EFCAB12: variants seen among roughly 807,000 people sequenced by gnomAD.
EFCAB12 encodes EF-hand calcium binding domain 12, also known as EF-hand calcium-binding domain-containing protein 12.
A neutral mutation model predicts 53.6 loss-of-function variants in EFCAB12; 43 were observed. That is an observed-to-expected ratio of 0.80 (90% CI 0.63 to 1.03). The LOEUF is 1.03. Ranked by LOEUF, EFCAB12 falls within the 50% of genes least tolerant of loss-of-function variation. EFCAB12 has a pLI of 0.00. For synonymous variants in EFCAB12, 269 were observed against 289.2 expected (o/e 0.93, Z 0.71); for missense variants, 646 against 730.6 (o/e 0.88, Z 1.34).
At chr3:129,419,086 G>A (rs2072157157) in intron 2 of EFCAB12, among the ~76,000 whole-genome samples, 1 of 152,106 alleles carries the variant, frequency 6.6e-6, no homozygotes, top group Admixed American at 6.5e-5. Context: ...TTAATCCTAT[G>A]TGTCTGCCTC....
At chr3:129,408,130 A>C (rs2071977510) in intron 6 of EFCAB12, among the ~76,000 whole-genome samples, 1 of 152,174 alleles carries the variant, frequency 6.6e-6, no homozygotes, top group African/African-American at 2.4e-5. Context: ...GCTGAGTCTG[A>C]GTGCTCTCTG....
At chr3:129,408,337 C>A (rs1384977308) in intron 6 of EFCAB12, among the ~76,000 whole-genome samples, 1 of 152,188 alleles carries the variant, frequency 6.6e-6, no homozygotes, top group African/African-American at 2.4e-5. Flanking sequence ...GAACTCCTGT[C>A]CTTGGAGCTT....
intron 1 of EFCAB12, among the ~76,000 whole-genome samples, chr3:129,422,304 T>C (rs1358967631): frequency 1.3e-5 from 2 of 152,168 alleles, no homozygotes; most frequent in African/African-American, 4.8e-5. Context: ...TTAAAATCAG[T>C]CAATTTATTA....
In EFCAB12 at chr3:129,415,305, T is replaced by C; in HGVS notation, c.778A>G (p.Asn260Asp). The C allele has an allele frequency of 6.2e-7, 1 of 1,613,368 alleles. No individual in the cohort carries two copies. The highest frequency in any genetic ancestry group is 8.5e-7 in the Non-Finnish European group (1 of 1,179,840). The change falls in exon 4 of 9, where the codon AAT (asparagine) becomes GAT (aspartate). Residue 260 changes from asparagine to aspartate, a missense_variant. Physicochemically the swap from Asn to Asp is conservative, Grantham distance 23 (BLOSUM62 1). Transcript: ENST00000505956. The part of the protein sequence containing the change: ...HNTITMDILA[N>D]TYKQWSMAQQ... ...GCCATAGACCACTGCTTGTAGGTAT[T>C]GGCCAGGATATCCATGGTGATGGTG... is the stretch of plus-strand genomic sequence containing the variant.
chr3:129,427,889 G>A (rs143242420), intron 1 of EFCAB12, among the ~76,000 whole-genome samples: 3 of 152,178 alleles, frequency 2.0e-5, no homozygotes, highest in South Asian at 2.1e-4. Flanking sequence ...TTCCTTGCCC[G>A]AAATGCTTTT....
At position 129,401,763 on chromosome 3, in the gene EFCAB12, A is replaced by G; in HGVS notation, c.1549T>C (p.Tyr517His). 1 of 1,609,714 alleles carries G rather than the reference A, an allele frequency of 6.2e-7. No homozygotes were observed. Residue 517 changes from tyrosine (Y) to histidine (H), a missense_variant, in exon 9 of 9, where the codon TAC becomes CAC. Tyr to His is a moderately conservative substitution (Grantham distance 83). Transcript: ENST00000505956. ...CGGTCTGTGGCCACAGTGGGCAGGT[A>G]GAGCTGCAGCTTATCCAGAAGATGA... ...PGHLLDKLQL[Y>H]LPTVATDRSL...
Position 129,421,743 on chromosome 3 carries a change from AC to A in EFCAB12, c.109del (p.Val37SerfsTer70). On this transcript the variant is annotated frameshift_variant, in exon 2 of 9. Coordinates refer to ENST00000505956, the MANE Select transcript of EFCAB12 (RefSeq NM_207307.3). LOFTEE classifies it high-confidence loss of function. ...ENAPVFDPEPVIAHCFKQFQQ... is the reference protein window; with the variant it reads ...ENAPVFDPEPXIAHCFKQFQQ... ...GAACTGCTTGAAGCAGTGGGCAATG[AC>A]CGGTTCAGGATCAAAGACGGGAGCA... 6.2e-7 allele frequency: 1 copy of A among 1,613,794 alleles called. No individual in the cohort carries two copies. The highest frequency in any genetic ancestry group is 1.6e-4 in the Middle Eastern group (1 of 6,062).
chr3:129,404,179 A>G lies in EFCAB12; in HGVS notation c.1403+71T>C, dbSNP rs1309086641. On this transcript the variant is annotated intron_variant, in intron 7 of 8. Coordinates refer to ENST00000505956, the MANE Select transcript of EFCAB12 (RefSeq NM_207307.3). Reference sequence around the variant, plus strand: ...TGGCGCCCCAGGTACTCCAGCCTCCAGCCCCCACACTGAAGGGATAGCAAT... The same window carrying G: ...TGGCGCCCCAGGTACTCCAGCCTCCGGCCCCCACACTGAAGGGATAGCAAT... The G allele has an allele frequency of 8.4e-6, 13 of 1,544,110 alleles. No homozygotes were observed. The African/African-American group carries it at 1.6e-4, about 20-fold the overall frequency.
intron 1 of EFCAB12, among the ~76,000 whole-genome samples, chr3:129,426,660 G>A (rs968184408): frequency 6.6e-6 from 1 of 151,256 alleles, no homozygotes; most frequent in East Asian, 2.0e-4. Context: ...CACGGCGCCC[G>A]GCCGGGGATC....
rs959794237 is a variant in EFCAB12, at chr3:129,421,663, G to A, written c.190C>T (p.Arg64Cys). ...TTAAGGGGTGTCTGATCCTCCTTGCGAGGCACCATGATGATTCGCCGGCGG... is the reference window on the plus strand; with the variant it reads ...TTAAGGGGTGTCTGATCCTCCTTGCAAGGCACCATGATGATTCGCCGGCGG... ...QTRRRIIMVP[R>C]KEDQTPLNPA... Residue 64 changes from arginine (R) to cysteine (C), a missense_variant, in exon 2 of 9, where the codon CGC becomes TGC. Arg to Cys is a radical substitution (Grantham distance 180). Coordinates refer to ENST00000505956, the MANE Select transcript of EFCAB12 (RefSeq NM_207307.3). 6.1e-5 allele frequency: 99 copies of A among 1,613,814 alleles called. No homozygotes were observed. The highest frequency in any genetic ancestry group is 8.3e-5 in the Admixed American group (5 of 59,998).
At chr3:129,408,951 C>G in intron 5 of EFCAB12, 93 bp from the exon 6 acceptor site, 1 of 1,415,398 alleles carries the variant, frequency 7.1e-7, no homozygotes, top group East Asian at 2.5e-5. Context: ...ATCGACCTCT[C>G]CCCTGCGAGG....
chr3:129,408,778 GA>G lies in EFCAB12; in HGVS notation c.1115del (p.Leu372ProfsTer9). 2 of 1,578,670 alleles carry G rather than the reference GA, an allele frequency of 1.3e-6. No homozygotes were observed. The highest frequency in any genetic ancestry group is 1.7e-6 in the Non-Finnish European group (2 of 1,161,826). ...CGNRHFDEHC[L>X]PSTIHGDMRE... Reference sequence around the variant, plus strand: ...TCATATCCCCGTGGATGGTGGACGGGAGGCAGTGCTCATCAAAGTGCCGATT... The same window carrying G: ...TCATATCCCCGTGGATGGTGGACGGGGGCAGTGCTCATCAAAGTGCCGATT... On this transcript the variant is annotated frameshift_variant, in exon 6 of 9. Coordinates refer to ENST00000505956, the MANE Select transcript of EFCAB12 (RefSeq NM_207307.3). LOFTEE classifies it high-confidence loss of function.
chr3:129,426,363 T>G (rs201006899), intron 1 of EFCAB12, among the ~76,000 whole-genome samples: 12,043 of 127,622 alleles, frequency 0.094, 671 homozygotes, highest in African/African-American at 0.22. Flanking sequence ...TTTTTTGTTT[T>G]TTTTTTTTTT....
chr3:129,412,461 G>C lies in EFCAB12; in HGVS notation c.839-1107C>G, dbSNP rs1002311286. The stretch of plus-strand genomic sequence containing the variant: ...AGATAGATAGATAGATAGATAGATA[G>C]ATAGATAGATAGATAGACAGACTGA... On this transcript the variant is annotated intron_variant, in intron 4 of 8. Coordinates refer to ENST00000505956, the MANE Select transcript of EFCAB12 (RefSeq NM_207307.3). 38 of 151,928 alleles carry C rather than the reference G, an allele frequency of 2.5e-4. 1 individual carries two copies. The highest frequency in any genetic ancestry group is 9.0e-4 in the African/African-American group (37 of 41,340). 9.4% of individuals were successfully genotyped at this position (151,928 alleles called of 1,614,324 possible). A position where few individuals can be genotyped will look rare whatever the true frequency, so the allele number is the denominator to read the frequency against.
chr3:129,428,361 G>C (rs1559794825), intron 1 of EFCAB12, 79 bp downstream of exon 1: 1 of 1,543,566 alleles, frequency 6.5e-7, no homozygotes, highest in East Asian at 2.4e-5. Context: ...ATCTGTGGCT[G>C]AGTTTTTGCC....
chr3:129,408,973 G>A, intron 5 of EFCAB12, 115 bp from the exon 6 acceptor site: 1 of 1,212,876 alleles, frequency 8.2e-7, no homozygotes, highest in Middle Eastern at 2.8e-4. Context: ...CCCCATGAGG[G>A]GTGATGGCAA....
chr3:129,410,014 A>AT (rs1166927723), intron 5 of EFCAB12, among the ~76,000 whole-genome samples: 93 of 147,146 alleles, frequency 6.3e-4, no homozygotes, highest in African/African-American at 1.4e-3. Context: ...TTATTTATTT[A>AT]TTTTTTTTTT....
chr3:129,407,651 T>C (rs1191672290), intron 6 of EFCAB12, among the ~76,000 whole-genome samples: 11 of 152,210 alleles, frequency 7.2e-5, no homozygotes, highest in Non-Finnish European at 1.6e-4. Context: ...CGGTGGCTCA[T>C]GCCTGTCATC....
In EFCAB12 at chr3:129,412,428, G is replaced by GGATGGATAGATAGATA. The variant is rs1553718459; in HGVS notation, c.839-1075_839-1074insTATCTATCTATCCATC. On this transcript the variant is annotated intron_variant, in intron 4 of 8. Transcript: ENST00000505956. ...TTATGTTGGATATGTGTAGATGGAT[G>GGATGGATAGATAGATA]GATAGATAGATAGATAGATAGATAG... 2.7e-5 allele frequency: 4 copies of GGATGGATAGATAGATA among 145,898 alleles called. No homozygotes were observed. In the South Asian group the frequency reaches 9.0e-4, roughly 33 times the overall value. The allele number at this position is 145,898 out of a possible 1,614,324, so 9.0% of individuals were successfully genotyped here.
Sources: gnomAD v4.1 joint callset for allele counts (sites outside exome capture counted in the v4.1 genomes callset) on GRCh38, gnomAD v4.1.1 for gene constraint, MANE v1.5 for transcripts, NCBI Gene and HGNC (gene_info 2026-07-23, HGNC 2026-07-21) for gene names.